MAPK4: variants seen among roughly 807,000 people sequenced by gnomAD.
MAPK4 encodes the protein Erk3-related.
MAPK4 carries 22 observed loss-of-function variants against 47.7 expected under a neutral mutation model. That is an observed-to-expected ratio of 0.46 (90% confidence interval 0.33 to 0.66). The LOEUF is 0.66. Ranked by LOEUF, MAPK4 falls within the 30% of genes least tolerant of loss-of-function variation. The pLI, the probability that MAPK4 is intolerant of heterozygous loss-of-function variation, is 0.02. For synonymous variants in MAPK4, 390 were observed against 365.7 expected (o/e 1.07, Z -0.76); for missense variants, 736 against 831.7 (o/e 0.88, Z 1.42).
intron 1 of MAPK4, among the ~76,000 whole-genome samples, chr18:50,573,844 A>T (rs536347516): frequency 6.6e-6 from 1 of 152,340 alleles, no homozygotes; most frequent in South Asian, 2.1e-4. Context: ...CATTTTTTCA[A>T]GTCCTCTTAT....
intron 4 of MAPK4, among the ~76,000 whole-genome samples, chr18:50,723,329 C>T (rs1357915458): frequency 6.6e-6 from 1 of 152,174 alleles, no homozygotes; most frequent in Non-Finnish European, 1.5e-5. Flanking sequence ...GGGGTACACA[C>T]AGCACTTCCA....
intron 1 of MAPK4, among the ~76,000 whole-genome samples, chr18:50,617,644 A>C (rs573598956): frequency 5.3e-5 from 8 of 152,320 alleles, no homozygotes; most frequent in African/African-American, 1.9e-4. Flanking sequence ...ATCATTGATT[A>C]TAACTCTCTT....
chr18:50,585,926 C>G (rs2042384279), intron 1 of MAPK4, among the ~76,000 whole-genome samples: 1 of 152,084 alleles, frequency 6.6e-6, no homozygotes, highest in Non-Finnish European at 1.5e-5. Flanking sequence ...GGGTTACTGC[C>G]CCCATGATTC....
rs1448474964 is a variant in MAPK4, at chr18:50,664,673, G to A, written c.546+169G>A. 6.6e-6 allele frequency among the ~76,000 whole-genome samples: 1 copy of A among 152,188 alleles called. No homozygotes were observed. The highest frequency in any genetic ancestry group is 1.5e-5 in the Non-Finnish European group (1 of 68,036). The stretch of plus-strand genomic sequence containing the variant: ...ACTAGCCTGAAAAGTTGTTGGAGGC[G>A]TGGAGGGAGATCTGGTTCTTGGTCT... On this transcript the variant is annotated intron_variant, in intron 2 of 5. Transcript: ENST00000400384. The surrounding 1 kb of genome is among the most constrained non-coding windows in gnomAD (Gnocchi z 6.0).
intron 3 of MAPK4, among the ~76,000 whole-genome samples, chr18:50,721,261 G>A (rs1014366803): frequency 3.9e-5 from 6 of 152,116 alleles, no homozygotes; most frequent in East Asian, 1.9e-4. Context: ...ATGCCTCACC[G>A]ATTCCCAGCA....
At chr18:50,672,885 GCACATCAGC>G (rs1908036201) in intron 2 of MAPK4, among the ~76,000 whole-genome samples, 1 of 152,218 alleles carries the variant, frequency 6.6e-6, no homozygotes. Context: ...CTATCTCAGT[GCACATCAGC>G]CACGCTGTGC....
intron 2 of MAPK4, among the ~76,000 whole-genome samples, chr18:50,668,059 G>A (rs1172001644): frequency 6.6e-6 from 1 of 152,156 alleles, no homozygotes; most frequent in Non-Finnish European, 1.5e-5. Context: ...CAGAACTCAG[G>A]GAAACACCTA....
rs954628960 is a variant in MAPK4, at chr18:50,620,158, C to T, written c.-870-42931C>T. Among the ~76,000 whole-genome samples, 13 of 152,288 alleles carry T rather than the reference C, an allele frequency of 8.5e-5. 1 individual carries two copies. In the East Asian group the frequency reaches 2.5e-3, roughly 29 times the overall value. On this transcript the variant is annotated intron_variant, in intron 1 of 5. Transcript: ENST00000400384. ...AAGTTTTCTCCTTTGGCATGGGTTCCCAGTGGGGAATGTGACTGATCCTTT... is the reference window on the plus strand; with the variant it reads ...AAGTTTTCTCCTTTGGCATGGGTTCTCAGTGGGGAATGTGACTGATCCTTT...
chr18:50,721,717 G>GATT (rs1910943588), intron 3 of MAPK4, among the ~76,000 whole-genome samples: 1 of 152,174 alleles, frequency 6.6e-6, no homozygotes. Context: ...CAGACTACCA[G>GATT]ATTCAACTCC....
At chr18:50,629,901 T>C (rs1430198552) in intron 1 of MAPK4, 2 of 152,258 alleles carry the variant, frequency 1.3e-5, no homozygotes, top group African/African-American at 4.8e-5. Context: ...GTCTTGTCTG[T>C]ACCTGGGCTT....
chr18:50,584,355 C>T (rs1001928687), intron 1 of MAPK4, among the ~76,000 whole-genome samples: 30 of 152,094 alleles, frequency 2.0e-4, no homozygotes, highest in African/African-American at 7.2e-4. Flanking sequence ...TTCGTGTACC[C>T]CTGGCAGTGA....
At position 50,723,864 on chromosome 18, in the gene MAPK4, CAA is replaced by C. The variant is rs34529419; in HGVS notation, c.853+1780_853+1781del. ...GGATGGCAGGAGTGAGACCCTGTCT[CAA>C]AAAAAAAAAAAAAAGAAATGAAGAA... is the stretch of plus-strand genomic sequence containing the variant. On this transcript the variant is annotated intron_variant, in intron 4 of 5. Transcript: ENST00000400384. Among the ~76,000 whole-genome samples the C allele has an allele frequency of 5.7e-3, 749 of 131,992 alleles. 2 individuals are homozygous for C. The highest frequency in any genetic ancestry group is 0.02 in the Middle Eastern group (5 of 250). 86.6% of individuals were successfully genotyped at this position (131,992 alleles called of 152,430 possible). A position where few individuals can be genotyped will look rare whatever the true frequency, so the allele number is the denominator to read the frequency against.
chr18:50,683,319 C>A (rs1211887358), intron 2 of MAPK4, among the ~76,000 whole-genome samples: 1 of 151,978 alleles, frequency 6.6e-6, no homozygotes, highest in African/African-American at 2.4e-5. Context: ...ACGGGAGTCT[C>A]ACCATGTTGG....
rs746788647 is a variant in MAPK4 at position 50,726,777 on chromosome 18, G to A, written c.1067+602G>A. On this transcript the variant is annotated intron_variant, in intron 5 of 5. Coordinates refer to ENST00000400384, the MANE Select transcript of MAPK4 (RefSeq NM_002747.4). ...TAGCCAGGCATGGTGGCACACGGCT[G>A]TAGTCCCAGACACTGGGAAGGCTGA... Among the ~76,000 whole-genome samples the A allele has an allele frequency of 4.0e-5, 6 of 151,544 alleles. 1 individual carries two copies. The highest frequency in any genetic ancestry group is 1.3e-4 in the Admixed American group (2 of 15,208).
chr18:50,676,148 G>C (rs559152483), intron 2 of MAPK4, among the ~76,000 whole-genome samples: 1 of 152,284 alleles, frequency 6.6e-6, no homozygotes, highest in East Asian at 1.9e-4. Flanking sequence ...CCAAGTACAG[G>C]ACTTTCTTTA....
chr18:50,710,408 G>A (rs1321407053), intron 2 of MAPK4, among the ~76,000 whole-genome samples: 4 of 152,118 alleles, frequency 2.6e-5, no homozygotes, highest in Non-Finnish European at 4.4e-5. Context: ...GCTTGAATCC[G>A]GGAGGCGGAG....
chr18:50,699,447 AC>A (rs1310816589), intron 2 of MAPK4, among the ~76,000 whole-genome samples: 1 of 152,242 alleles, frequency 6.6e-6, no homozygotes, highest in Non-Finnish European at 1.5e-5. Flanking sequence ...ATAAAACTCA[AC>A]CAAATTAGTG....
At chr18:50,587,829 AGT>A (rs2149365840) in intron 1 of MAPK4, among the ~76,000 whole-genome samples, 1 of 152,200 alleles carries the variant, frequency 6.6e-6, no homozygotes, top group South Asian at 2.1e-4. Context: ...CCCGAGTTCA[AGT>A]GATTCTCCTG....
chr18:50,561,422 A>G (rs1056056040), intron 1 of MAPK4, among the ~76,000 whole-genome samples: 6 of 152,196 alleles, frequency 3.9e-5, no homozygotes, highest in Non-Finnish European at 8.8e-5. Context: ...TTTCAATTGA[A>G]TGGATATGTA....
Sources: gnomAD v4.1 joint callset for allele counts (sites outside exome capture counted in the v4.1 genomes callset) on GRCh38, gnomAD v4.1.1 for gene constraint, Gnocchi (gnomAD v3.1) non-coding constraint, MANE v1.5 for transcripts, NCBI Gene and HGNC (gene_info 2026-07-23, HGNC 2026-07-21) for gene names.